The following TENM3 variants were observed in gnomAD, a reference collection of about 807,000 sequenced individuals.
The protein encoded by TENM3 is teneurin-3.
Under a neutral mutation model 255.1 loss-of-function variants are expected in TENM3, and 63 were observed. That is an observed-to-expected ratio of 0.25 (90% confidence interval 0.20 to 0.30). The LOEUF (loss-of-function observed/expected upper bound fraction) is 0.30, where lower values mean the gene tolerates loss of function less well. Ranked by LOEUF, TENM3 falls within the 10% of genes least tolerant of loss-of-function variation. TENM3 has a pLI of 1.00. For missense variants in TENM3, 2,929 were observed against 3,461.1 expected, an observed-to-expected ratio of 0.85 and a Z score of 3.86; for synonymous variants, 1,306 against 1,322.3, an observed-to-expected ratio of 0.99 and a Z score of 0.27.
At chr4:181,534,932 C>T in the TENM3 span, among the ~76,000 whole-genome samples, 1 of 152,278 alleles carries the variant, frequency 6.6e-6, no homozygotes, top group Middle Eastern at 3.4e-3. Context: ...CTTCTGGAGG[C>T]TGTGGCCAGA....
chr4:182,538,762 A>G (rs974894317), intron 3 of TENM3, among the ~76,000 whole-genome samples: 1 of 152,154 alleles, frequency 6.6e-6, no homozygotes, highest in African/African-American at 2.4e-5. Flanking sequence ...TATAGTATGG[A>G]TGTAAAAGCA....
chr4:181,650,891 A>G, the TENM3 span, among the ~76,000 whole-genome samples: 2 of 152,236 alleles, frequency 1.3e-5, no homozygotes, highest in African/African-American at 4.8e-5. Context: ...GTCCTGTTCG[A>G]ATTAAAATGT....
chr4:182,286,254 T>G (rs536949056), intron 1 of TENM3, among the ~76,000 whole-genome samples: 1 of 152,234 alleles, frequency 6.6e-6, no homozygotes. Flanking sequence ...ACAGTGGCCA[T>G]GCAGGCAGCT....
chr4:181,689,054 C>T, the TENM3 span, among the ~76,000 whole-genome samples: 1 of 152,288 alleles, frequency 6.6e-6, no homozygotes, highest in Admixed American at 6.5e-5. Flanking sequence ...ACATGTATAG[C>T]CCCATTCATA....
At chr4:182,236,728 C>G (rs1213014057) in intron 1 of TENM3, among the ~76,000 whole-genome samples, 1 of 152,088 alleles carries the variant, frequency 6.6e-6, no homozygotes, top group Non-Finnish European at 1.5e-5. Context: ...TGTGAACAAG[C>G]CTAAACCTCA....
chr4:181,686,206 C>T, the TENM3 span, among the ~76,000 whole-genome samples: 1 of 152,112 alleles, frequency 6.6e-6, no homozygotes, highest in African/African-American at 2.4e-5. Flanking sequence ...ATCCATGCTA[C>T]CCAGACATCC....
At chr4:181,731,505 CCACA>C in the TENM3 span, among the ~76,000 whole-genome samples, 486 of 152,216 alleles carry the variant, frequency 3.2e-3, 4 homozygotes, top group Middle Eastern at 0.014. Flanking sequence ...GCATTTGCCA[CCACA>C]CCCAGCTAGT....
At chr4:182,052,484 G>A in the TENM3 span, among the ~76,000 whole-genome samples, 2 of 152,144 alleles carry the variant, frequency 1.3e-5, no homozygotes, top group African/African-American at 4.8e-5. Flanking sequence ...GGCCAGCTGG[G>A]CTGTTGAAGC....
At chr4:182,217,639 G>T (rs1292565096) in intron 1 of TENM3, among the ~76,000 whole-genome samples, 2 of 152,116 alleles carry the variant, frequency 1.3e-5, no homozygotes, top group Admixed American at 6.5e-5. Context: ...GGAATCTGAG[G>T]CCTGGAGATA....
At chr4:182,561,260 A>T (rs982472052) in intron 3 of TENM3, among the ~76,000 whole-genome samples, 1 of 151,764 alleles carries the variant, frequency 6.6e-6, no homozygotes, top group Non-Finnish European at 1.5e-5. Context: ...TTCAAAATTT[A>T]AAATTATAAA....
intron 3 of TENM3, among the ~76,000 whole-genome samples, chr4:182,356,233 C>T (rs1447254054): frequency 1.3e-5 from 2 of 152,106 alleles, no homozygotes; most frequent in Admixed American, 1.3e-4. Context: ...TACAGCAATA[C>T]CCGTGTCTGT....
the TENM3 span, among the ~76,000 whole-genome samples, chr4:181,617,225 AT>A: frequency 6.6e-6 from 1 of 152,236 alleles, no homozygotes; most frequent in Admixed American, 6.5e-5. Flanking sequence ...AGAAAATATT[AT>A]TTGTTAAGAA....
At chr4:181,668,075 T>C in the TENM3 span, among the ~76,000 whole-genome samples, 1 of 152,206 alleles carries the variant, frequency 6.6e-6, no homozygotes, top group Non-Finnish European at 1.5e-5. Context: ...AGAATTTCAT[T>C]CTGGGCCCAA....
At chr4:181,893,420 A>C in the TENM3 span, among the ~76,000 whole-genome samples, 1 of 151,752 alleles carries the variant, frequency 6.6e-6, no homozygotes, top group Admixed American at 6.6e-5. Context: ...TATAGCTAAT[A>C]AATTATAGTC....
At chr4:182,399,643 A>G (rs1417598475) in intron 3 of TENM3, among the ~76,000 whole-genome samples, 1 of 152,252 alleles carries the variant, frequency 6.6e-6, no homozygotes, top group South Asian at 2.1e-4. Context: ...GTGTTATGCC[A>G]TGGCCCATTT....
At chr4:181,796,503 G>A in the TENM3 span, among the ~76,000 whole-genome samples, 1 of 152,186 alleles carries the variant, frequency 6.6e-6, no homozygotes, top group Non-Finnish European at 1.5e-5. Context: ...GTGGCCTGAA[G>A]ATCTTCAAGG....
At chr4:181,865,726 C>T in the TENM3 span, among the ~76,000 whole-genome samples, 1 of 152,122 alleles carries the variant, frequency 6.6e-6, no homozygotes, top group African/African-American at 2.4e-5. Context: ...TTCCTCTGAT[C>T]TTCAGATATG....
chr4:181,974,330 T>G, the TENM3 span, among the ~76,000 whole-genome samples: 809 of 152,212 alleles, frequency 5.3e-3, 3 homozygotes, highest in Non-Finnish European at 8.6e-3. Flanking sequence ...CACTTTGGGA[T>G]GCCAAGGCGG....
At chr4:181,964,569 T>C in the TENM3 span, among the ~76,000 whole-genome samples, 1 of 151,078 alleles carries the variant, frequency 6.6e-6, no homozygotes, top group East Asian at 2.0e-4. Flanking sequence ...CCCCCAACAC[T>C]CTAAGTTCCT....
Sources: gnomAD v4.1 joint callset for allele counts (sites outside exome capture counted in the v4.1 genomes callset) on GRCh38, gnomAD v4.1.1 for gene constraint, MANE v1.5 for transcripts, NCBI Gene and HGNC (gene_info 2026-07-23, HGNC 2026-07-21) for gene names.